Variants in CCT3 observed in about 807,000 individuals in gnomAD.
CCT3 encodes chaperonin containing TCP1 subunit 3, also known as T-complex protein 1 subunit gamma.
Under a neutral mutation model 65.3 loss-of-function variants are expected in CCT3, and 10 were observed. That is an observed-to-expected ratio of 0.15 (90% CI 0.09 to 0.26). The LOEUF is 0.26. Among genes scored for constraint, CCT3 ranks in the 10% least tolerant of loss-of-function variants. CCT3 has a pLI of 1.00. For missense variants in CCT3, 626 were observed against 708.7 expected, an observed-to-expected ratio of 0.88 and a Z score of 1.33; for synonymous variants, 225 against 242.3, an observed-to-expected ratio of 0.93 and a Z score of 0.66.
intron 10 of CCT3, among the ~76,000 whole-genome samples, chr1:156,312,844 C>A (rs1040938165): frequency 1.3e-5 from 2 of 152,124 alleles, no homozygotes; most frequent in Admixed American, 1.3e-4. Context: ...CCTATATACA[C>A]TAATATGATT....
chr1:156,318,899 G>C lies in CCT3; in HGVS notation c.728C>G (p.Ser243Cys), dbSNP rs539612465. 1.2e-6 allele frequency: 2 copies of C among 1,614,034 alleles called. No individual in the cohort carries two copies. The highest frequency in any genetic ancestry group is 2.7e-5 in the African/African-American group (2 of 75,038). Residue 243 changes from serine (S) to cysteine (C), a missense_variant, in exon 8 of 14, where the codon TCT becomes TGT. Ser to Cys is a moderately radical substitution (Grantham distance 112). Coordinates refer to ENST00000295688, the MANE Select transcript of CCT3 (RefSeq NM_005998.5). ...IKNPRIVLLD[S>C]SLEYKKGESQ... ...TTCTCCTTTCTTGTATTCCAGAGAAGAATCCAGCAGCACAATGCGAGGGTT... is the reference window on the plus strand; with the variant it reads ...TTCTCCTTTCTTGTATTCCAGAGAACAATCCAGCAGCACAATGCGAGGGTT...
intron 5 of CCT3, among the ~76,000 whole-genome samples, chr1:156,328,164 T>C (rs1165583936): frequency 1.6e-4 from 21 of 133,174 alleles, no homozygotes; most frequent in African/African-American, 5.2e-4. Context: ...GAGGAGCCCC[T>C]CTGCCCAGCC....
rs1342026477 is a variant in CCT3 at position 156,325,105 on chromosome 1, G to A, written c.305-16C>T. 5.9e-6 allele frequency: 9 copies of A among 1,536,580 alleles called. No individual in the cohort carries two copies. The highest frequency in any genetic ancestry group is 7.2e-6 in the Non-Finnish European group (8 of 1,114,074). On this transcript the variant is annotated splice_polypyrimidine_tract_variant and intron_variant, in intron 5 of 13. Transcript: ENST00000295688. ...ATTTCCCCTGCTGAAAAAGATACAA[G>A]CACCATAGTAATATTTAAAGCATCT...
intron 10 of CCT3, among the ~76,000 whole-genome samples, chr1:156,312,637 AAC>A (rs1170552753): frequency 2.4e-4 from 36 of 151,038 alleles, no homozygotes; most frequent in Non-Finnish European, 5.9e-5. Context: ...CAGCCTAGAT[AAC>A]AGAGTGGGAC....
At chr1:156,334,810 CTAGATA>C in intron 3 of CCT3, 35 bp from the exon 4 acceptor site, 1 of 1,613,628 alleles carries the variant, frequency 6.2e-7, no homozygotes, top group Non-Finnish European at 8.5e-7. Context: ...TTAAAGTGTC[CTAGATA>C]ACAGGAAGAA....
chr1:156,329,584 C>T lies in CCT3; in HGVS notation c.304+3963G>A, dbSNP rs372174289. Among the ~76,000 whole-genome samples the T allele has an allele frequency of 1.1e-4, 17 of 151,444 alleles. No homozygotes were observed. The East Asian group carries it at 2.0e-3, about 18-fold the overall frequency. On this transcript the variant is annotated intron_variant, in intron 5 of 13. Coordinates refer to ENST00000295688, the MANE Select transcript of CCT3 (RefSeq NM_005998.5). ...CCTCCCAAAGTGCTGGGATTACAGG[C>T]GTAAGCCACCGCGCCCAGCCCATAT...
chr1:156,335,734 T>C (rs1287616027), intron 2 of CCT3, 93 bp downstream of exon 2: 18 of 1,006,478 alleles, frequency 1.8e-5, no homozygotes, highest in South Asian at 2.9e-5. Flanking sequence ...GCCTACTCTA[T>C]AAAGTCTAGA....
intron 1 of CCT3, chr1:156,337,158 A>G: frequency 9.3e-7 from 1 of 1,071,622 alleles, no homozygotes; most frequent in Non-Finnish European, 1.2e-6. Flanking sequence ...TAATCTCAGC[A>G]CTTTGGGAGG....
intron 5 of CCT3, among the ~76,000 whole-genome samples, chr1:156,326,259 G>A (rs1664801104): frequency 6.6e-6 from 1 of 152,084 alleles, no homozygotes; most frequent in Non-Finnish European, 1.5e-5. Context: ...AGCCCAGAAG[G>A]TCAAGGCTGC....
At chr1:156,332,346 T>C (rs559677315) in intron 5 of CCT3, among the ~76,000 whole-genome samples, 1 of 152,340 alleles carries the variant, frequency 6.6e-6, no homozygotes, top group African/African-American at 2.4e-5. Context: ...GTTTCTAGTA[T>C]AAAAATTTTA....
intron 5 of CCT3, among the ~76,000 whole-genome samples, chr1:156,328,222 G>A (rs1290009658): frequency 3.3e-5 from 4 of 120,438 alleles, no homozygotes; most frequent in Non-Finnish European, 5.6e-5. Flanking sequence ...CCCCCCGTCC[G>A]GGAGGGAGGT....
At chr1:156,330,012 T>C (rs926983233) in intron 5 of CCT3, among the ~76,000 whole-genome samples, 2 of 152,056 alleles carry the variant, frequency 1.3e-5, no homozygotes, top group African/African-American at 4.8e-5. Context: ...TTATTAGAAC[T>C]GTAACAGAAG....
intron 10 of CCT3, among the ~76,000 whole-genome samples, chr1:156,313,378 GAGAGA>G (rs1315891200): frequency 1.4e-5 from 2 of 146,966 alleles, no homozygotes; most frequent in Admixed American, 6.9e-5. Context: ...GAGAGAGAGA[GAGAGA>G]AATCATTGAG....
intron 8 of CCT3, 78 bp from the exon 9 acceptor site, chr1:156,317,625 AC>A: frequency 7.5e-7 from 1 of 1,333,510 alleles, no homozygotes; most frequent in Non-Finnish European, 1.0e-6. Context: ...TACTCCTTCC[AC>A]CCACCTCTCC....
intron 11 of CCT3, among the ~76,000 whole-genome samples, chr1:156,311,544 C>G (rs943621245): frequency 6.6e-6 from 1 of 152,184 alleles, no homozygotes; most frequent in South Asian, 2.1e-4. Flanking sequence ...GAGCCATAAC[C>G]TATTCCACCC....
rs1395407987 is a variant in CCT3, at chr1:156,310,708, G to GT, written c.1402-20dup. 13 of 1,612,144 alleles carry GT rather than the reference G, an allele frequency of 8.1e-6. No individual in the cohort carries two copies. The highest frequency in any genetic ancestry group is 1.3e-5 in the African/African-American group (1 of 74,758). On this transcript the variant is annotated intron_variant, in intron 12 of 13. Transcript: ENST00000295688. The stretch of plus-strand genomic sequence containing the variant: ...GCTTGGCCTGCAATTGAAGCAAGAA[G>GT]TAAAGGGGAAAATAAGTTAACAGGA...
intron 6 of CCT3, among the ~76,000 whole-genome samples, chr1:156,324,098 C>T (rs1399053297): frequency 1.3e-5 from 2 of 149,540 alleles, no homozygotes; most frequent in Non-Finnish European, 3.0e-5. Context: ...GACAGAGTCT[C>T]ACTCTGTCAC....
At chr1:156,328,870 A>AT (rs1664979352) in intron 5 of CCT3, among the ~76,000 whole-genome samples, 6 of 151,478 alleles carry the variant, frequency 4.0e-5, no homozygotes, top group Non-Finnish European at 7.4e-5. Flanking sequence ...AAAAATAAAA[A>AT]AAAAAAATGT....
intron 1 of CCT3, among the ~76,000 whole-genome samples, chr1:156,336,279 A>AT (rs1665348996): frequency 9.1e-6 from 1 of 109,538 alleles, no homozygotes; most frequent in Admixed American, 9.2e-5. Flanking sequence ...GAGATACTGC[A>AT]ATTTTTTTTT....
Sources: gnomAD v4.1 joint callset for allele counts (sites outside exome capture counted in the v4.1 genomes callset) on GRCh38, gnomAD v4.1.1 for gene constraint, MANE v1.5 for transcripts, NCBI Gene and HGNC (gene_info 2026-07-23, HGNC 2026-07-21) for gene names.